SLC9B1: variants seen among roughly 807,000 people sequenced by gnomAD.
SLC9B1 encodes sodium/hydrogen exchanger 9B1.
A neutral mutation model predicts 51.7 loss-of-function variants in SLC9B1; 32 were observed. The ratio of observed to expected loss-of-function variants is 0.62; its 90% confidence interval spans 0.47 to 0.83. SLC9B1 has a LOEUF of 0.83. Ranked by LOEUF, SLC9B1 falls within the 40% of genes least tolerant of loss-of-function variation. SLC9B1 has a pLI of 0.00. For synonymous variants in SLC9B1, 145 were observed against 212.7 expected (o/e 0.68, Z 2.77); for missense variants, 406 against 613.2 (o/e 0.66, Z 3.57).
chr4:102,945,694 A>C (rs925905887), intron 5 of SLC9B1, among the ~76,000 whole-genome samples: 13 of 152,148 alleles, frequency 8.5e-5, no homozygotes, highest in Non-Finnish European at 1.9e-4. Flanking sequence ...AAGTATAAAT[A>C]GAATACCAAC....
intron 3 of SLC9B1, among the ~76,000 whole-genome samples, chr4:102,967,503 G>A (rs1341812777): frequency 6.6e-6 from 1 of 152,174 alleles, no homozygotes; most frequent in Non-Finnish European, 1.5e-5. Context: ...TCTGGTGAAA[G>A]CTTTAGTGTT....
intron 1 of SLC9B1, among the ~76,000 whole-genome samples, chr4:102,996,969 T>A (rs918974843): frequency 5.7e-5 from 7 of 123,578 alleles, no homozygotes; most frequent in Non-Finnish European, 8.6e-5. Context: ...TTTTTTTAAA[T>A]TTTTAGTAGA....
chr4:103,005,079 CAT>C (rs1273082562), intron 1 of SLC9B1, among the ~76,000 whole-genome samples: 1 of 152,016 alleles, frequency 6.6e-6, no homozygotes, highest in African/African-American at 2.4e-5. Flanking sequence ...ATTAAATTTG[CAT>C]ATATCAAAGT....
chr4:102,956,500 C>A (rs1418115016), intron 3 of SLC9B1, among the ~76,000 whole-genome samples: 1 of 152,118 alleles, frequency 6.6e-6, no homozygotes, highest in African/African-American at 2.4e-5. Context: ...CATTCACCCA[C>A]CCACCCACAG....
At chr4:103,001,989 G>A (rs1740548709) in intron 1 of SLC9B1, among the ~76,000 whole-genome samples, 1 of 152,206 alleles carries the variant, frequency 6.6e-6, no homozygotes, top group Non-Finnish European at 1.5e-5. Context: ...ATGGTGGCAG[G>A]AGAGAGAAGT....
intron 6 of SLC9B1, 95 bp from the exon 7 acceptor site, chr4:102,932,394 T>C (rs1227264522): frequency 8.7e-7 from 1 of 1,143,902 alleles, no homozygotes; most frequent in Non-Finnish European, 1.2e-6. Context: ...ATAACAAACA[T>C]TGTTTAGAAG....
intron 1 of SLC9B1, among the ~76,000 whole-genome samples, chr4:103,017,611 G>C (rs956706108): frequency 2.0e-5 from 3 of 152,130 alleles, no homozygotes; most frequent in African/African-American, 7.2e-5. Flanking sequence ...GTAGTGCGCT[G>C]ATCCCAAATA....
chr4:102,900,578 A>G (rs1393902324), downstream of SLC9B1, among the ~76,000 whole-genome samples: 45 of 152,196 alleles, frequency 3.0e-4, no homozygotes, highest in Admixed American at 2.9e-3. Context: ...ACTTGGTTCT[A>G]TTACTGAACA....
chr4:102,959,663 C>T lies in SLC9B1; in HGVS notation c.212-10236G>A, dbSNP rs146710439. Among the ~76,000 whole-genome samples the T allele has an allele frequency of 2.3e-3, 343 of 152,198 alleles. 2 individuals are homozygous for T. Among genetic ancestry groups the T allele is most frequent in the Admixed American group, 4.1e-3 (62 of 15,286 alleles). On this transcript the variant is annotated intron_variant, in intron 3 of 11. Transcript: ENST00000296422. ...GTGGTTCAGGCACTTGTCTAGTGAG[C>T]GGATCGCTGACAGGAAGCAAGGAGC...
intron 1 of SLC9B1, among the ~76,000 whole-genome samples, chr4:103,006,643 A>G (rs113997853): frequency 6.6e-6 from 1 of 152,232 alleles, no homozygotes; most frequent in Non-Finnish European, 1.5e-5. Flanking sequence ...TCATTCTATG[A>G]GGATAGCATC....
intron 6 of SLC9B1, among the ~76,000 whole-genome samples, chr4:102,937,677 T>A (rs927462716): frequency 1.7e-5 from 2 of 117,518 alleles, no homozygotes; most frequent in African/African-American, 6.8e-5. Context: ...TGAGCTGAGA[T>A]AGCACCACTG....
At chr4:103,001,244 C>T (rs1311619165) in intron 1 of SLC9B1, among the ~76,000 whole-genome samples, 2 of 152,254 alleles carry the variant, frequency 1.3e-5, no homozygotes, top group Non-Finnish European at 2.9e-5. Flanking sequence ...ACTTTCTCCT[C>T]CTAGGCTTCC....
At chr4:102,909,657 A>G in intron 9 of SLC9B1, among the ~76,000 whole-genome samples, 1 of 152,304 alleles carries the variant, frequency 6.6e-6, no homozygotes, top group Non-Finnish European at 1.5e-5. Context: ...GTAAATAACA[A>G]AAAGTGGAAA....
chr4:102,918,392 A>C (rs1560926307), intron 7 of SLC9B1, among the ~76,000 whole-genome samples: 2 of 152,202 alleles, frequency 1.3e-5, no homozygotes, highest in Admixed American at 1.3e-4. Context: ...CTAGTAACTG[A>C]ATCAGGAATC....
intron 3 of SLC9B1, among the ~76,000 whole-genome samples, chr4:102,980,898 T>C (rs940299287): frequency 6.6e-6 from 1 of 152,202 alleles, no homozygotes; most frequent in Non-Finnish European, 1.5e-5. Context: ...TGGGTTTGTA[T>C]GTTCTATGGC....
chr4:102,989,757 T>C (rs1337793099), intron 3 of SLC9B1, 43 bp downstream of exon 3: 4 of 1,370,450 alleles, frequency 2.9e-6, no homozygotes, highest in Admixed American at 2.2e-5. Flanking sequence ...TTATCAAACA[T>C]ATTTCTCATC....
At chr4:102,938,767 C>G (rs186336517) in intron 6 of SLC9B1, among the ~76,000 whole-genome samples, 19 of 152,108 alleles carry the variant, frequency 1.2e-4, no homozygotes, top group Non-Finnish European at 2.1e-4. Context: ...CAACCTGTGC[C>G]TGAATGACTT....
intron 2 of SLC9B1, among the ~76,000 whole-genome samples, chr4:102,990,755 A>G (rs1739903278): frequency 1.3e-5 from 2 of 152,040 alleles, no homozygotes; most frequent in African/African-American, 4.8e-5. Context: ...CACAGGAAAC[A>G]ATAAAAAGGC....
intron 7 of SLC9B1, among the ~76,000 whole-genome samples, chr4:102,921,075 T>G (rs1264165358): frequency 2.6e-5 from 4 of 152,108 alleles, no homozygotes; most frequent in Admixed American, 6.6e-5. Flanking sequence ...ACAAAAATAC[T>G]CCTTGAGAAG....
Sources: gnomAD v4.1 joint callset for allele counts (sites outside exome capture counted in the v4.1 genomes callset) on GRCh38, gnomAD v4.1.1 for gene constraint, MANE v1.5 for transcripts, NCBI Gene and HGNC (gene_info 2026-07-23, HGNC 2026-07-21) for gene names.